CNTNAP4: variants seen among roughly 807,000 people sequenced by gnomAD.
The protein encoded by CNTNAP4 is contactin associated protein family member 4.
Under a neutral mutation model 148.4 loss-of-function variants are expected in CNTNAP4, and 98 were observed. The observed-to-expected ratio is 0.66, with a 90% CI of 0.56 to 0.78. CNTNAP4 has a LOEUF of 0.78. CNTNAP4 is among the 30% of genes least tolerant of loss of function. The probability of loss-of-function intolerance (pLI) is 0.00; values close to 1 mark genes in which losing one functional copy is unlikely to be tolerated. For missense variants in CNTNAP4, 1,935 were observed against 1,565.6 expected (o/e 1.24, Z -3.98); for synonymous variants, 730 against 565.1 (o/e 1.29, Z -4.14).
chr16:76,431,405 C>T (rs553753499), intron 4 of CNTNAP4, among the ~76,000 whole-genome samples: 5 of 152,176 alleles, frequency 3.3e-5, no homozygotes, highest in South Asian at 2.1e-4. Flanking sequence ...AAGGGCAAGG[C>T]GCGGTGGCTC....
chr16:76,323,813 C>G (rs1166202981), intron 2 of CNTNAP4, among the ~76,000 whole-genome samples: 1 of 152,138 alleles, frequency 6.6e-6, no homozygotes, highest in African/African-American at 2.4e-5. Context: ...ATGGTGTCAT[C>G]CGTGGGAATG....
At chr16:76,419,357 C>G (rs1216939478) in intron 3 of CNTNAP4, among the ~76,000 whole-genome samples, 1 of 151,968 alleles carries the variant, frequency 6.6e-6, no homozygotes, top group African/African-American at 2.4e-5. Context: ...GAAGAAAACC[C>G]TGAGCATACT....
chr16:76,442,891 TTGAG>T (rs1213466453), intron 4 of CNTNAP4, among the ~76,000 whole-genome samples: 2 of 152,068 alleles, frequency 1.3e-5, no homozygotes, highest in East Asian at 3.9e-4. Flanking sequence ...TTGCTCAAGT[TTGAG>T]TGAGTATTCA....
intron 15 of CNTNAP4, among the ~76,000 whole-genome samples, chr16:76,516,525 A>C (rs1261770015): frequency 2.0e-5 from 3 of 152,112 alleles, no homozygotes; most frequent in Admixed American, 6.6e-5. Flanking sequence ...ATGGTTTGCA[A>C]CTCTCATACA....
intron 3 of CNTNAP4, among the ~76,000 whole-genome samples, chr16:76,372,196 G>A (rs1442043893): frequency 6.9e-6 from 1 of 144,304 alleles, no homozygotes; most frequent in African/African-American, 2.6e-5. Flanking sequence ...CTTGAATGCA[G>A]TGGCGCAATC....
At chr16:76,355,844 A>T (rs561929194) in intron 3 of CNTNAP4, among the ~76,000 whole-genome samples, 308 of 33,356 alleles carry the variant, frequency 9.2e-3, no homozygotes, top group African/African-American at 0.022. Flanking sequence ...ATTGTCTTTT[A>T]TTTATTTATT....
At chr16:76,346,804 C>A (rs1357353391) in intron 2 of CNTNAP4, among the ~76,000 whole-genome samples, 1 of 152,132 alleles carries the variant, frequency 6.6e-6, no homozygotes, top group African/African-American at 2.4e-5. Flanking sequence ...AAATCAAATA[C>A]ACAAATCAAA....
intron 21 of CNTNAP4, among the ~76,000 whole-genome samples, chr16:76,549,158 G>A (rs1258258482): frequency 6.6e-6 from 1 of 152,136 alleles, no homozygotes; most frequent in Admixed American, 6.5e-5. Flanking sequence ...CAGCCTAGAA[G>A]AATCTCAGGG....
chr16:76,501,837 G>A (rs1412834658), intron 15 of CNTNAP4, among the ~76,000 whole-genome samples: 1 of 152,158 alleles, frequency 6.6e-6, no homozygotes, highest in Non-Finnish European at 1.5e-5. Flanking sequence ...TTGGGAGGCC[G>A]AGGCGGGCGG....
chr16:76,356,110 A>T (rs1186742740), intron 3 of CNTNAP4, among the ~76,000 whole-genome samples: 1 of 151,900 alleles, frequency 6.6e-6, no homozygotes, highest in Non-Finnish European at 1.5e-5. Flanking sequence ...CCTGGCCTCA[A>T]GCAGTCCACC....
intron 1 of CNTNAP4, among the ~76,000 whole-genome samples, chr16:76,289,369 T>C (rs2143813131): frequency 6.6e-6 from 1 of 152,300 alleles, no homozygotes; most frequent in East Asian, 1.9e-4. Flanking sequence ...ATTTTCTCTT[T>C]AAAGACTTTT....
chr16:76,376,954 T>TGTGC (rs2015481942), intron 3 of CNTNAP4, among the ~76,000 whole-genome samples: 2 of 146,142 alleles, frequency 1.4e-5, no homozygotes, highest in African/African-American at 2.5e-5. Flanking sequence ...TGTGTGTGTG[T>TGTGC]ACACATATAC....
At chr16:76,380,051 A>AT (rs1224891695) in intron 3 of CNTNAP4, among the ~76,000 whole-genome samples, 1 of 152,146 alleles carries the variant, frequency 6.6e-6, no homozygotes, top group African/African-American at 2.4e-5. Context: ...TGTTGTGAAT[A>AT]TTTTTTGAGA....
At chr16:76,417,636 A>G (rs546846387) in intron 3 of CNTNAP4, among the ~76,000 whole-genome samples, 1 of 151,810 alleles carries the variant, frequency 6.6e-6, no homozygotes, top group South Asian at 2.1e-4. Context: ...TAATGATTTC[A>G]TTAACTAAGA....
chr16:76,518,665 T>A (rs2083343214), intron 15 of CNTNAP4, among the ~76,000 whole-genome samples: 1 of 152,156 alleles, frequency 6.6e-6, no homozygotes, highest in East Asian at 1.9e-4. Context: ...AGGATATCCA[T>A]CACCTTGAGC....
chr16:76,301,233 A>G (rs760713756), intron 1 of CNTNAP4, among the ~76,000 whole-genome samples: 6 of 152,160 alleles, frequency 3.9e-5, no homozygotes, highest in Non-Finnish European at 7.4e-5. Flanking sequence ...GCTGTCTTGA[A>G]AAACAAAATG....
intron 21 of CNTNAP4, among the ~76,000 whole-genome samples, chr16:76,549,394 A>G (rs1026355441): frequency 2.6e-5 from 4 of 152,170 alleles, no homozygotes; most frequent in Non-Finnish European, 4.4e-5. Context: ...GTCCACCCAG[A>G]TCACCACACT....
chr16:76,464,321 A>G (rs567877776), intron 9 of CNTNAP4, among the ~76,000 whole-genome samples: 44 of 152,294 alleles, frequency 2.9e-4, no homozygotes, highest in Admixed American at 5.2e-4. Context: ...GGGCTAAAGT[A>G]GGGTCCCTAA....
chr16:76,456,667 C>A (rs1268423829), intron 8 of CNTNAP4, among the ~76,000 whole-genome samples: 5 of 152,208 alleles, frequency 3.3e-5, no homozygotes, highest in East Asian at 1.9e-4. Context: ...CAGATTCTTA[C>A]AACACCAAGG....
Sources: allele counts gnomAD v4.1 joint callset (sites outside exome capture counted in the v4.1 genomes callset), GRCh38; gene constraint gnomAD v4.1.1; transcripts MANE v1.5; gene names NCBI Gene and HGNC (gene_info 2026-07-23, HGNC 2026-07-21).